The following U2AF2 variants were observed in gnomAD, a reference collection of about 807,000 sequenced individuals.
U2AF2 encodes U2 small nuclear RNA auxiliary factor 2.
Under a neutral mutation model 52.6 loss-of-function variants are expected in U2AF2, and 6 were observed. That is an observed-to-expected ratio of 0.11 (90% CI 0.06 to 0.23). The LOEUF (loss-of-function observed/expected upper bound fraction) is 0.23. Ranked by LOEUF, U2AF2 falls within the 10% of genes least tolerant of loss-of-function variation. The pLI, the probability that U2AF2 is intolerant of heterozygous loss-of-function variation, is 1.00. For missense variants in U2AF2, 222 were observed against 677.1 expected (o/e 0.33, Z 7.46); for synonymous variants, 284 against 258.2 (o/e 1.10, Z -0.96).
At chr19:55,660,695 T>C (rs915706048) in intron 4 of U2AF2, 76 bp downstream of exon 4, 1 of 1,395,010 alleles carries the variant, frequency 7.2e-7, no homozygotes, top group African/African-American at 1.4e-5. Context: ...TTCCCCTGCG[T>C]GTGTGCTTGG....
In U2AF2 at chr19:55,668,544, G is replaced by A. The variant is rs1984685483; in HGVS notation, c.780G>A (p.Lys260=). The change falls in exon 8 of 12, where the codon AAG becomes AAA. Residue 260 remains lysine, a synonymous_variant. Coordinates refer to ENST00000308924, the MANE Select transcript of U2AF2 (RefSeq NM_007279.3). The surrounding 1 kb of genome is among the most constrained non-coding windows in gnomAD (Gnocchi z 5.5). ...CTGTGGTCCCCGACTCTGCCCACAA[G>A]CTGTTCATCGGGGGCTTACCCAACT... is the stretch of plus-strand genomic sequence containing the variant. ...VSTVVPDSAH[K]LFIGGLPNYL... The A allele has an allele frequency of 4.4e-6, 7 of 1,608,258 alleles. No homozygotes were observed. The highest frequency in any genetic ancestry group is 2.7e-5 in the African/African-American group (2 of 74,842).
In U2AF2 at chr19:55,655,055, G is replaced by A. The variant is rs746411456; in HGVS notation, c.-50G>A. 6.9e-6 allele frequency: 11 copies of A among 1,600,354 alleles called. No individual in the cohort carries two copies. The highest frequency in any genetic ancestry group is 9.4e-6 in the Non-Finnish European group (11 of 1,175,452). Reference sequence around the variant, plus strand: ...GAAGTAGCCGAAGCGGCTGGAGCGGGCGGCAAGGCGAGGCGAAAGCTGCAC... The same window carrying A: ...GAAGTAGCCGAAGCGGCTGGAGCGGACGGCAAGGCGAGGCGAAAGCTGCAC... On this transcript the variant is annotated 5_prime_UTR_variant, in exon 1 of 12. Transcript: ENST00000308924.
chr19:55,660,837 A>G (rs1984135902), intron 4 of U2AF2, among the ~76,000 whole-genome samples: 1 of 152,096 alleles, frequency 6.6e-6, no homozygotes, highest in African/African-American at 2.4e-5. Flanking sequence ...CTCCATCTGG[A>G]CGCCATTAGG....
Position 55,674,457 on chromosome 19 carries a change from T to A in U2AF2, c.*389T>A, listed in dbSNP as rs561832127. On this transcript the variant is annotated 3_prime_UTR_variant, in exon 12 of 12. Transcript: ENST00000308924. ...GGTAGGAACATAGCGTGTTTATATT[T>A]TATGGCCAAACTATTTTGAATTTTG... is the stretch of plus-strand genomic sequence containing the variant. 5.8e-6 allele frequency: 1 copy of A among 172,676 alleles called. No individual in the cohort carries two copies. Among genetic ancestry groups the A allele is most frequent in the South Asian group, 1.1e-4 (1 of 8,832 alleles). The allele number at this position is 172,676 out of a possible 1,614,324, so 10.7% of individuals were successfully genotyped here. A position where few individuals can be genotyped will look rare whatever the true frequency, so the allele number is the denominator to read the frequency against.
At chr19:55,664,300 G>A (rs1057269284) in intron 7 of U2AF2, among the ~76,000 whole-genome samples, 7 of 152,230 alleles carry the variant, frequency 4.6e-5, no homozygotes, top group African/African-American at 7.2e-5. Context: ...GCAGCCGGAC[G>A]GTGTCTGCGT....
At chr19:55,673,803 C>G in intron 11 of U2AF2, 131 bp from the exon 12 acceptor site, 16 of 1,286,968 alleles carry the variant, frequency 1.2e-5, no homozygotes, top group Non-Finnish European at 1.7e-5. Context: ...TACTAAGGGT[C>G]CCTTTCTGAC....
chr19:55,671,801 G>A (rs977765775), intron 11 of U2AF2: 4 of 152,214 alleles, frequency 2.6e-5, no homozygotes, highest in Non-Finnish European at 5.9e-5. Flanking sequence ...CCTGGCCTTT[G>A]GGATCAGCTG....
In U2AF2 at chr19:55,655,094, G is replaced by A. The variant is rs756749171; in HGVS notation, c.-11G>A. The A allele has an allele frequency of 6.2e-6, 10 of 1,605,872 alleles. No individual in the cohort carries two copies. The highest frequency in any genetic ancestry group is 8.5e-6 in the Non-Finnish European group (10 of 1,177,256). On this transcript the variant is annotated 5_prime_UTR_variant, in exon 1 of 12. Transcript: ENST00000308924. ...CGAAAGCTGCACAGGGCCCTACGCG[G>A]CCGCCTCAGCATGTCGGACTTCGAC...
chr19:55,661,434 A>G (rs1373348213), intron 5 of U2AF2: 9 of 488,612 alleles, frequency 1.8e-5, no homozygotes, highest in Admixed American at 1.8e-4. Flanking sequence ...CCAGGGATCA[A>G]GCACACACAT....
rs781653382 is a variant in U2AF2 at position 55,668,626 on chromosome 19, C to T, written c.822+40C>T. 19 of 1,599,070 alleles carry T rather than the reference C, an allele frequency of 1.2e-5. No homozygotes were observed. Among genetic ancestry groups the T allele is most frequent in the Middle Eastern group, 1.7e-4 (1 of 6,006 alleles). ...TCCCTCCAGACCCGTCCCCCCACCC[C>T]GCCCCACCTCATCCCAGCCCTGATG... On this transcript the variant is annotated intron_variant, in intron 8 of 11. Transcript: ENST00000308924. The surrounding 1 kb of genome is among the most constrained non-coding windows in gnomAD (Gnocchi z 5.5).
At position 55,662,993 on chromosome 19, in the gene U2AF2, C is replaced by T. The variant is rs1350006424; in HGVS notation, c.603+375C>T. Among the ~76,000 whole-genome samples, 3 of 152,112 alleles carry T rather than the reference C, an allele frequency of 2.0e-5. No individual in the cohort carries two copies. In the East Asian group the frequency reaches 5.8e-4, roughly 29 times the overall value. ...GATGTTCCTAACTAGTCTTCTGTTACCCCAGCTAACTGATGTTCCTAACTA... is the reference window on the plus strand; with the variant it reads ...GATGTTCCTAACTAGTCTTCTGTTATCCCAGCTAACTGATGTTCCTAACTA... On this transcript the variant is annotated intron_variant, in intron 6 of 11. Transcript: ENST00000308924.
chr19:55,660,453 G>A (rs757196542), intron 3 of U2AF2, 63 bp from the exon 4 acceptor site: 34 of 1,167,070 alleles, frequency 2.9e-5, no homozygotes, highest in South Asian at 1.5e-4. Flanking sequence ...GAGGGGGCTC[G>A]CAGGCCCACT....
chr19:55,666,601 C>G (rs909150497), intron 7 of U2AF2, among the ~76,000 whole-genome samples: 5 of 152,224 alleles, frequency 3.3e-5, no homozygotes, highest in African/African-American at 1.2e-4. Context: ...AGCACTTGGC[C>G]TGAGCTGTTC....
rs769196337 is a variant in U2AF2 at position 55,663,755 on chromosome 19, G to T, written c.742+11G>T. Reference sequence around the variant, plus strand: ...CCGTCTATGTGCCTGGTGAGTGGGGGATCCATTAAGGGCCCCTTTCTCCCC... The same window carrying T: ...CCGTCTATGTGCCTGGTGAGTGGGGTATCCATTAAGGGCCCCTTTCTCCCC... On this transcript the variant is annotated intron_variant, in intron 7 of 11. Transcript: ENST00000308924. The T allele has an allele frequency of 1.9e-6, 3 of 1,613,800 alleles. No individual in the cohort carries two copies. The South Asian group carries it at 3.3e-5, about 18-fold the overall frequency.
chr19:55,662,254 C>T (rs554253443), intron 5 of U2AF2: 24 of 417,232 alleles, frequency 5.8e-5, no homozygotes, highest in East Asian at 2.4e-4. Flanking sequence ...TGTCCCCCAA[C>T]GCCTGTCCAT....
rs1453763199 is a variant in U2AF2, at chr19:55,659,358, A to G, written c.185+13A>G. The G allele has an allele frequency of 5.4e-6, 8 of 1,485,702 alleles. No individual in the cohort carries two copies. The highest frequency in any genetic ancestry group is 1.9e-4 in the Middle Eastern group (1 of 5,260). 92.0% of individuals were successfully genotyped at this position (1,485,702 alleles called of 1,614,324 possible). ...GGCGACGACGCAGGTACTAGGGCTC[A>G]GGGATCCCCTGGGCCAGCCTGGGAG... On this transcript the variant is annotated intron_variant, in intron 2 of 11. Transcript: ENST00000308924.
At chr19:55,673,053 C>T (rs1985024346) in intron 11 of U2AF2, among the ~76,000 whole-genome samples, 1 of 151,960 alleles carries the variant, frequency 6.6e-6, no homozygotes, top group South Asian at 2.1e-4. Flanking sequence ...AGAAGAGTAG[C>T]TGGGACAGGC....
intron 6 of U2AF2, 32 bp downstream of exon 6, chr19:55,662,650 A>G (rs776001278): frequency 2.5e-6 from 4 of 1,588,170 alleles, no homozygotes; most frequent in Non-Finnish European, 3.5e-6. Flanking sequence ...GGTCCAGGAA[A>G]CGTGTGTGAT....
intron 5 of U2AF2, chr19:55,662,257 C>T (rs2123680700): frequency 2.4e-6 from 1 of 425,208 alleles, no homozygotes; most frequent in Non-Finnish European, 4.2e-6. Flanking sequence ...CCCCCAACGC[C>T]TGTCCATCGC....
Sources: allele counts gnomAD v4.1 joint callset (sites outside exome capture counted in the v4.1 genomes callset), GRCh38; gene constraint gnomAD v4.1.1; non-coding constraint Gnocchi (gnomAD v3.1); transcripts MANE v1.5; gene names NCBI Gene and HGNC (gene_info 2026-07-23, HGNC 2026-07-21).